Variants in ARK2C observed in about 807,000 individuals in gnomAD.
ARK2C encodes arkadia (RNF111) C-terminal like ring finger ubiquitin ligase 2C.
At chr18:46,376,186 C>T in the ARK2C span, among the ~76,000 whole-genome samples, 3 of 152,208 alleles carry the variant, frequency 2.0e-5, no homozygotes, top group Non-Finnish European at 4.4e-5. Flanking sequence ...GGCAGCAAAA[C>T]GGTCACCTGC....
the ARK2C span, among the ~76,000 whole-genome samples, chr18:46,434,910 G>C: frequency 6.6e-6 from 1 of 152,128 alleles, no homozygotes; most frequent in African/African-American, 2.4e-5. Context: ...TGGGAGTAGA[G>C]GGGTGCATAG....
At chr18:46,345,664 C>A in the ARK2C span, among the ~76,000 whole-genome samples, 3 of 152,226 alleles carry the variant, frequency 2.0e-5, no homozygotes, top group African/African-American at 7.2e-5. Flanking sequence ...CTAGTTTTAC[C>A]TCTCAATTTG....
the ARK2C span, among the ~76,000 whole-genome samples, chr18:46,418,929 G>T: frequency 6.6e-6 from 1 of 152,254 alleles, no homozygotes; most frequent in Non-Finnish European, 1.5e-5. Flanking sequence ...GGAAACAATA[G>T]CGAGTTAATG....
At chr18:46,367,770 G>T in the ARK2C span, among the ~76,000 whole-genome samples, 1 of 152,348 alleles carries the variant, frequency 6.6e-6, no homozygotes, top group African/African-American at 2.4e-5. Flanking sequence ...TGAATGTTAG[G>T]TTAGAGGTAT....
At chr18:46,433,260 G>A in the ARK2C span, 1 of 1,609,780 alleles carries the variant, frequency 6.2e-7, no homozygotes, top group Non-Finnish European at 8.5e-7. Flanking sequence ...GCCCCCCGCA[G>A]CCGCAGCAGC....
At chr18:46,450,868 G>T in the ARK2C span, 19 of 1,180,344 alleles carry the variant, frequency 1.6e-5, no homozygotes, top group Non-Finnish European at 2.1e-5. Flanking sequence ...ATTGACTCTG[G>T]CCTGGTTGTT....
chr18:46,439,257 T>TTTTCC, the ARK2C span, among the ~76,000 whole-genome samples: 1 of 152,172 alleles, frequency 6.6e-6, no homozygotes, highest in South Asian at 2.1e-4. Context: ...CTCAGAAAGA[T>TTTTCC]CTCAGATGAC....
chr18:46,416,732 C>T, the ARK2C span, among the ~76,000 whole-genome samples: 1 of 152,206 alleles, frequency 6.6e-6, no homozygotes, highest in Non-Finnish European at 1.5e-5. Context: ...GGGTCTAGGA[C>T]AGTTTATTTG....
At chr18:46,409,539 G>A in the ARK2C span, among the ~76,000 whole-genome samples, 1 of 152,130 alleles carries the variant, frequency 6.6e-6, no homozygotes, top group East Asian at 1.9e-4. Context: ...TATTAGGATT[G>A]GGGGAAGCTA....
the ARK2C span, among the ~76,000 whole-genome samples, chr18:46,403,439 T>C: frequency 6.6e-6 from 1 of 152,102 alleles, no homozygotes; most frequent in Non-Finnish European, 1.5e-5. Flanking sequence ...CTGGGCCAAC[T>C]CACCTAAGTG....
At chr18:46,436,997 G>A in the ARK2C span, among the ~76,000 whole-genome samples, 1 of 152,208 alleles carries the variant, frequency 6.6e-6, no homozygotes, top group Non-Finnish European at 1.5e-5. Context: ...ATGGCAGGAG[G>A]AGCAGCACAG....
the ARK2C span, chr18:46,435,376 T>C: frequency 6.2e-6 from 10 of 1,613,628 alleles, no homozygotes; most frequent in Non-Finnish European, 8.5e-6. Context: ...AGCCCAGGTA[T>C]TTGGCTGAGG....
chr18:46,441,218 T>A, the ARK2C span, among the ~76,000 whole-genome samples: 6 of 152,098 alleles, frequency 3.9e-5, no homozygotes, highest in Non-Finnish European at 8.8e-5. Context: ...ATCCTCTACT[T>A]CTGTGCTCAA....
chr18:46,340,871 C>G, the ARK2C span, among the ~76,000 whole-genome samples: 1 of 152,106 alleles, frequency 6.6e-6, no homozygotes, highest in East Asian at 1.9e-4. Context: ...GCTGCAGAGG[C>G]GGGTTTGCAA....
chr18:46,436,364 G>A, the ARK2C span, among the ~76,000 whole-genome samples: 1 of 152,060 alleles, frequency 6.6e-6, no homozygotes, highest in African/African-American at 2.4e-5. Context: ...GCAGTAAAAT[G>A]GTGACATTTG....
the ARK2C span, chr18:46,447,700 AAAG>A: frequency 6.2e-7 from 1 of 1,614,106 alleles, no homozygotes; most frequent in Non-Finnish European, 8.5e-7. Flanking sequence ...ATGGTAAGTG[AAAG>A]AAGACGGACT....
the ARK2C span, chr18:46,456,549 A>G: frequency 4.3e-6 from 7 of 1,613,772 alleles, no homozygotes; most frequent in African/African-American, 4.0e-5. Flanking sequence ...TCTTTCACCA[A>G]CTGTGCGTGG....
chr18:46,364,315 A>G, the ARK2C span, among the ~76,000 whole-genome samples: 1 of 151,692 alleles, frequency 6.6e-6, no homozygotes, highest in African/African-American at 2.4e-5. Context: ...CCACCTATGC[A>G]CTTTTTACCA....
the ARK2C span, among the ~76,000 whole-genome samples, chr18:46,338,497 C>A: frequency 6.6e-6 from 1 of 152,212 alleles, no homozygotes; most frequent in Non-Finnish European, 1.5e-5. Context: ...AGAAAGACAG[C>A]TAAGATCTCA....
Sources: gnomAD v4.1 joint callset for allele counts (sites outside exome capture counted in the v4.1 genomes callset) on GRCh38, gnomAD v4.1.1 for gene constraint, MANE v1.5 for transcripts, NCBI Gene and HGNC (gene_info 2026-07-23, HGNC 2026-07-21) for gene names.